The following MERTK variants were observed in gnomAD, a reference collection of about 807,000 sequenced individuals.
The protein encoded by MERTK is MER proto-oncogene, tyrosine kinase.
Under a neutral mutation model 99.3 loss-of-function variants are expected in MERTK, and 69 were observed. That is an observed-to-expected ratio of 0.70 (90% CI 0.57 to 0.85). The LOEUF (loss-of-function observed/expected upper bound fraction) is 0.85, where lower values mean the gene tolerates loss of function less well. Among genes scored for constraint, MERTK ranks in the 40% least tolerant of loss-of-function variants. The pLI, the probability that MERTK is intolerant of heterozygous loss-of-function variation, is 0.00. For synonymous variants in MERTK, 426 were observed against 467.6 expected (o/e 0.91, Z 1.15); for missense variants, 1,125 against 1,249.4 (o/e 0.90, Z 1.50).
chr2:111,951,790 C>T (rs530330228), intron 4 of MERTK, among the ~76,000 whole-genome samples: 3 of 151,988 alleles, frequency 2.0e-5, no homozygotes, highest in East Asian at 3.9e-4. Context: ...TTTACATTTT[C>T]ATCAACAGTG....
chr2:112,014,332 A>AT, intron 15 of MERTK, among the ~76,000 whole-genome samples: 1 of 148,806 alleles, frequency 6.7e-6, no homozygotes, highest in East Asian at 2.0e-4. Flanking sequence ...TGCCTGGCTA[A>AT]TTTTGTATTT....
intron 10 of MERTK, among the ~76,000 whole-genome samples, chr2:111,998,333 T>G (rs1676796142): frequency 6.6e-6 from 1 of 152,180 alleles, no homozygotes; most frequent in Non-Finnish European, 1.5e-5. Flanking sequence ...AGGATCTTGG[T>G]GTGACATGTG....
intron 16 of MERTK, chr2:112,020,770 C>T (rs1573647337): frequency 1.5e-4 from 64 of 435,284 alleles, no homozygotes; most frequent in South Asian, 1.1e-3. Flanking sequence ...CACCAGAGGG[C>T]TCTGGTTTTG....
chr2:111,918,339 G>A (rs554747642), intron 1 of MERTK, among the ~76,000 whole-genome samples: 24 of 152,258 alleles, frequency 1.6e-4, no homozygotes, highest in African/African-American at 4.8e-4. Flanking sequence ...CTTAAGGATC[G>A]GCTTTTTAGT....
intron 8 of MERTK, among the ~76,000 whole-genome samples, chr2:111,987,201 G>C (rs1676496706): frequency 6.6e-6 from 1 of 152,188 alleles, no homozygotes; most frequent in Non-Finnish European, 1.5e-5. Context: ...TGTGCATGCA[G>C]TTTCAGAACT....
chr2:112,004,271 C>CTG (rs1676935487), intron 13 of MERTK, among the ~76,000 whole-genome samples: 1 of 152,270 alleles, frequency 6.6e-6, no homozygotes, highest in South Asian at 2.1e-4. Flanking sequence ...CTTTCTCTCA[C>CTG]TCTCATCTAG....
intron 8 of MERTK, among the ~76,000 whole-genome samples, chr2:111,987,639 C>A (rs1352857057): frequency 6.6e-6 from 1 of 152,174 alleles, no homozygotes; most frequent in Non-Finnish European, 1.5e-5. Context: ...TATTTCCCAA[C>A]CCACCCTCAT....
intron 6 of MERTK, among the ~76,000 whole-genome samples, chr2:111,970,948 TTG>T (rs1321318573): frequency 1.3e-5 from 2 of 152,096 alleles, no homozygotes; most frequent in African/African-American, 4.8e-5. Context: ...TTAATAAAAT[TTG>T]TTCTCTTTGT....
intron 4 of MERTK, among the ~76,000 whole-genome samples, chr2:111,964,035 TTTTC>T (rs931600362): frequency 1.4e-5 from 2 of 138,434 alleles, no homozygotes; most frequent in African/African-American, 2.8e-5. Context: ...CACTCAAAAA[TTTTC>T]TTTCTTTTTT....
chr2:111,969,183 T>C (rs1179799024), intron 6 of MERTK, among the ~76,000 whole-genome samples: 1 of 152,230 alleles, frequency 6.6e-6, no homozygotes, highest in African/African-American at 2.4e-5. Context: ...AACTGTTTAC[T>C]AAGGGACCAC....
At position 112,029,031 on chromosome 2, in the gene MERTK, A is replaced by G; in HGVS notation, c.*167A>G. On this transcript the variant is annotated 3_prime_UTR_variant, in exon 19 of 19. Transcript: ENST00000295408. ...TAAGCTGTCATTAAAAATACATAAT[A>G]TATATTTATTTAAAGAGAAAAAATA... The G allele has an allele frequency of 1.4e-6, 2 of 1,410,522 alleles. No homozygotes were observed. Among genetic ancestry groups the G allele is most frequent in the Non-Finnish European group, 1.9e-6 (2 of 1,078,400 alleles). 87.4% of individuals were successfully genotyped at this position (1,410,522 alleles called of 1,614,324 possible).
At chr2:111,944,589 C>A (rs192628186) in intron 2 of MERTK, among the ~76,000 whole-genome samples, 2 of 54 alleles carry the variant, frequency 0.037, no homozygotes, top group Non-Finnish European at 0.045. Flanking sequence ...TGGGTGGAGA[C>A]CCATGAAAGA....
intron 1 of MERTK, among the ~76,000 whole-genome samples, chr2:111,916,495 T>C (rs897773827): frequency 3.3e-5 from 5 of 152,318 alleles, no homozygotes; most frequent in African/African-American, 4.8e-5. Context: ...GTTGAACTTA[T>C]CCATTGAGTT....
chr2:111,968,218 A>T lies in MERTK; in HGVS notation c.926A>T (p.Asp309Val). 6.2e-7 allele frequency: 1 copy of T among 1,613,912 alleles called. No individual in the cohort carries two copies. Among genetic ancestry groups the T allele is most frequent in the Non-Finnish European group, 8.5e-7 (1 of 1,179,944 alleles). ...CTGATCTCCTGGGTTCCTGGTTTTG[A>T]TGGATACTCCCCGTTCAGGAATTGC... ...SILISWVPGF[D>V]GYSPFRNCSI... The change falls in exon 6 of 19, where the codon GAT becomes GTT. Residue 309 changes from aspartate to valine, a missense_variant. Transcript: ENST00000295408.
intron 6 of MERTK, 72 bp downstream of exon 6, chr2:111,968,324 C>A: frequency 8.1e-7 from 1 of 1,227,938 alleles, no homozygotes. Context: ...TTCTTCCTTC[C>A]AAGGATGGGC....
chr2:112,006,522 T>C (rs1676983401), intron 13 of MERTK, among the ~76,000 whole-genome samples: 1 of 152,140 alleles, frequency 6.6e-6, no homozygotes, highest in South Asian at 2.1e-4. Context: ...AGTCCTTCCA[T>C]AATTCCTATT....
At position 111,915,058 on chromosome 2, in the gene MERTK, A is replaced by T. The variant is rs532833992; in HGVS notation, c.62-14062A>T. Among the ~76,000 whole-genome samples the T allele has an allele frequency of 1.3e-4, 20 of 152,298 alleles. No individual in the cohort carries two copies. In the South Asian group the frequency reaches 4.1e-3, roughly 32 times the overall value. ...CGGTAGTTTAAAAAATTATGAATTC[A>T]ATTTCCTTAATAGTTATAGCCTGAT... On this transcript the variant is annotated intron_variant, in intron 1 of 18. Coordinates refer to ENST00000295408, the MANE Select transcript of MERTK (RefSeq NM_006343.3).
At chr2:112,015,418 C>A (rs1365140826) in intron 15 of MERTK, among the ~76,000 whole-genome samples, 1 of 152,154 alleles carries the variant, frequency 6.6e-6, no homozygotes, top group African/African-American at 2.4e-5. Context: ...ATTTGCATTT[C>A]CCGAATGACT....
intron 18 of MERTK, among the ~76,000 whole-genome samples, chr2:112,023,822 C>T (rs1024719042): frequency 2.0e-5 from 3 of 152,182 alleles, no homozygotes; most frequent in Admixed American, 6.5e-5. Context: ...TGGGCCTGCG[C>T]TGGCTCTGTC....
Sources: allele counts gnomAD v4.1 joint callset (sites outside exome capture counted in the v4.1 genomes callset), GRCh38; gene constraint gnomAD v4.1.1; transcripts MANE v1.5; gene names NCBI Gene and HGNC (gene_info 2026-07-23, HGNC 2026-07-21).